CCSER1: variants seen among roughly 807,000 people sequenced by gnomAD.
CCSER1 encodes coiled-coil serine rich protein 1.
A neutral mutation model predicts 82.0 loss-of-function variants in CCSER1; 41 were observed. That is an observed-to-expected ratio of 0.50 (90% confidence interval 0.39 to 0.65). The LOEUF is 0.65. Among genes scored for constraint, CCSER1 ranks in the 30% least tolerant of loss-of-function variants. The probability of loss-of-function intolerance (pLI) is 0.00; values close to 1 mark genes in which losing one functional copy is unlikely to be tolerated. For missense variants in CCSER1, 1,119 were observed against 1,064.2 expected (o/e 1.05, Z -0.72); for synonymous variants, 414 against 383.9 (o/e 1.08, Z -0.92).
intron 10 of CCSER1, among the ~76,000 whole-genome samples, chr4:91,110,640 C>T (rs186104248): frequency 8.5e-5 from 13 of 152,104 alleles, no homozygotes; most frequent in Admixed American, 3.3e-4. Flanking sequence ...TTATCTCTGT[C>T]AGTCTGTCAA....
At chr4:90,643,934 T>G (rs2148998935) in intron 6 of CCSER1, among the ~76,000 whole-genome samples, 1 of 152,318 alleles carries the variant, frequency 6.6e-6, no homozygotes, top group African/African-American at 2.4e-5. Flanking sequence ...ATTTTAGTAT[T>G]AATTCTAAAT....
chr4:90,217,433 T>C (rs1578548495), intron 1 of CCSER1, among the ~76,000 whole-genome samples: 1 of 152,078 alleles, frequency 6.6e-6, no homozygotes, highest in Non-Finnish European at 1.5e-5. Context: ...CTCCTGACCT[T>C]GTATTCCGCC....
chr4:90,659,205 G>C (rs760652256), intron 6 of CCSER1, among the ~76,000 whole-genome samples: 7 of 151,738 alleles, frequency 4.6e-5, no homozygotes, highest in Non-Finnish European at 1.0e-4. Flanking sequence ...AAATTTCTGG[G>C]AGATCATTCT....
intron 5 of CCSER1, among the ~76,000 whole-genome samples, chr4:90,516,642 A>G (rs1429191059): frequency 6.6e-6 from 1 of 152,204 alleles, no homozygotes; most frequent in Non-Finnish European, 1.5e-5. Flanking sequence ...TATTGCCTAA[A>G]CACAAAGGGA....
chr4:91,051,384 T>C (rs540806146), intron 9 of CCSER1, among the ~76,000 whole-genome samples: 1 of 152,306 alleles, frequency 6.6e-6, no homozygotes, highest in South Asian at 2.1e-4. Context: ...ATCAGTAACA[T>C]CAATTGCTAT....
chr4:90,978,658 A>T (rs1735827454), intron 9 of CCSER1, among the ~76,000 whole-genome samples: 1 of 151,804 alleles, frequency 6.6e-6, no homozygotes, highest in Non-Finnish European at 1.5e-5. Context: ...TCTCAAAATT[A>T]GATTTTGTGA....
intron 6 of CCSER1, chr4:90,641,988 A>G (rs1726626161): frequency 3.0e-6 from 1 of 331,366 alleles, no homozygotes; most frequent in South Asian, 2.3e-5. Flanking sequence ...AACAACTCAC[A>G]TACTTTTGTG....
Position 91,154,830 on chromosome 4 carries a change from A to G in CCSER1, c.2217+68836A>G, listed in dbSNP as rs184080669. On this transcript the variant is annotated intron_variant, in intron 10 of 10. Transcript: ENST00000509176. Reference sequence around the variant, plus strand: ...GTTACTCTATATCAGGCGCAGTTTTAAGTGCTCATTTAATCTTTTGAACTG... The same window carrying G: ...GTTACTCTATATCAGGCGCAGTTTTGAGTGCTCATTTAATCTTTTGAACTG... 1.8e-4 allele frequency among the ~76,000 whole-genome samples: 27 copies of G among 152,136 alleles called. No individual in the cohort carries two copies. The East Asian group carries it at 2.7e-3, about 15-fold the overall frequency.
intron 9 of CCSER1, among the ~76,000 whole-genome samples, chr4:91,052,434 T>C (rs1282733629): frequency 6.6e-6 from 1 of 152,072 alleles, no homozygotes; most frequent in African/African-American, 2.4e-5. Flanking sequence ...AAATATATAA[T>C]CTATTGTATT....
At chr4:90,638,849 T>G (rs182321647) in intron 6 of CCSER1, among the ~76,000 whole-genome samples, 1 of 152,130 alleles carries the variant, frequency 6.6e-6, no homozygotes, top group African/African-American at 2.4e-5. Flanking sequence ...GGAAGTATAT[T>G]GCAGTGGTAA....
intron 10 of CCSER1, among the ~76,000 whole-genome samples, chr4:91,553,767 T>C (rs1287440293): frequency 6.6e-6 from 1 of 151,076 alleles, no homozygotes; most frequent in African/African-American, 2.4e-5. Flanking sequence ...TTGTAGAGTC[T>C]TCTTCTCTTT....
At chr4:90,210,402 A>G (rs1739735860) in intron 1 of CCSER1, among the ~76,000 whole-genome samples, 1 of 151,560 alleles carries the variant, frequency 6.6e-6, no homozygotes, top group African/African-American at 2.4e-5. Context: ...TATTTGTTGT[A>G]TGAGTTTCAG....
Position 91,022,494 on chromosome 4 carries a change from G to A in CCSER1, c.2173-63456G>A, listed in dbSNP as rs183722258. 7.2e-3 allele frequency among the ~76,000 whole-genome samples: 1,091 copies of A among 152,210 alleles called. 12 individuals carry two copies. The highest frequency in any genetic ancestry group is 0.025 in the African/African-American group (1,031 of 41,536). On this transcript the variant is annotated intron_variant, in intron 9 of 10. Transcript: ENST00000509176. ...TACATGTGCATGTGTCTTTATAGCA[G>A]CATGATTTATAATCCTTTGGGTATA... is the stretch of plus-strand genomic sequence containing the variant.
At chr4:90,207,355 G>A (rs185605524) in intron 1 of CCSER1, among the ~76,000 whole-genome samples, 13 of 152,204 alleles carry the variant, frequency 8.5e-5, no homozygotes, top group East Asian at 1.9e-4. Flanking sequence ...GGTCATTTAT[G>A]TTCTTCTCTA....
intron 5 of CCSER1, among the ~76,000 whole-genome samples, chr4:90,565,269 T>G (rs1360401703): frequency 7.1e-6 from 1 of 141,510 alleles, no homozygotes; most frequent in Non-Finnish European, 1.5e-5. Context: ...AGTATTTTTT[T>G]GTAGGTATTA....
chr4:90,527,338 GA>G (rs1436154549), intron 5 of CCSER1, among the ~76,000 whole-genome samples: 1 of 152,106 alleles, frequency 6.6e-6, no homozygotes, highest in Non-Finnish European at 1.5e-5. Flanking sequence ...ACAAACATGT[GA>G]GAAAAAGCTC....
chr4:90,276,233 T>C (rs1299959234), intron 1 of CCSER1, among the ~76,000 whole-genome samples: 2 of 108,694 alleles, frequency 1.8e-5, no homozygotes, highest in East Asian at 5.3e-4. Flanking sequence ...TTTCTTTCTT[T>C]CTTTCTTTCT....
chr4:91,401,376 TATAAC>T (rs1052526655), intron 10 of CCSER1, among the ~76,000 whole-genome samples: 2 of 148,300 alleles, frequency 1.3e-5, no homozygotes, highest in Admixed American at 6.8e-5. Context: ...TTATATATAA[TATAAC>T]ATATCAATAT....
At chr4:91,282,664 C>T (rs1455006389) in intron 10 of CCSER1, among the ~76,000 whole-genome samples, 4 of 152,100 alleles carry the variant, frequency 2.6e-5, no homozygotes, top group South Asian at 4.1e-4. Context: ...TTAATGCAAT[C>T]GTGCAAATAT....
Sources: gnomAD v4.1 joint callset for allele counts (sites outside exome capture counted in the v4.1 genomes callset) on GRCh38, gnomAD v4.1.1 for gene constraint, MANE v1.5 for transcripts, NCBI Gene and HGNC (gene_info 2026-07-23, HGNC 2026-07-21) for gene names.